PER3: variants seen among roughly 807,000 people sequenced by gnomAD.
PER3 encodes the protein period circadian protein homolog 3.
In PER3, 107 loss-of-function variants were observed where a neutral mutation model predicts 127.2. The ratio of observed to expected loss-of-function variants is 0.84; its 90% CI spans 0.72 to 0.99. The LOEUF is 0.99. Ranked by LOEUF, PER3 falls within the 50% of genes least tolerant of loss-of-function variation. The pLI, the probability that PER3 is intolerant of heterozygous loss-of-function variation, is 0.00. For missense variants in PER3, 1,560 were observed against 1,525.8 expected, an observed-to-expected ratio of 1.02 and a Z score of -0.37; for synonymous variants, 618 against 585.8, an observed-to-expected ratio of 1.05 and a Z score of -0.79.
intron 3 of PER3, among the ~76,000 whole-genome samples, 189 bp downstream of exon 3, chr1:7,785,775 CTT>C (rs2097085927): frequency 1.3e-5 from 2 of 152,308 alleles, no homozygotes; most frequent in South Asian, 4.1e-4. Context: ...ACCAGGAAAA[CTT>C]TATCTGTATA....
At chr1:7,823,071 C>CT (rs777880230) in intron 16 of PER3, among the ~76,000 whole-genome samples, 1 of 151,976 alleles carries the variant, frequency 6.6e-6, no homozygotes, top group Non-Finnish European at 1.5e-5. Flanking sequence ...GACCCTGTCT[C>CT]TAAAAATAAG....
Position 7,844,924 on chromosome 1 carries a change from G to A in PER3, c.*2169G>A, listed in dbSNP as rs1417048539. ...TATAGGCTTCAATGTTTTCATGAAT[G>A]TTACCCAAAAAGCTGTGTTTTCTTT... On this transcript the variant is annotated 3_prime_UTR_variant, in exon 22 of 22. Transcript: ENST00000377532. The A allele has an allele frequency of 6.6e-6, 1 of 152,324 alleles. No homozygotes were observed. The highest frequency in any genetic ancestry group is 1.5e-5 in the Non-Finnish European group (1 of 68,024). The allele number at this position is 152,324 out of a possible 1,614,324, so 9.4% of individuals were successfully genotyped here. A position where few individuals can be genotyped will look rare whatever the true frequency, so the allele number is the denominator to read the frequency against.
At chr1:7,817,337 C>T (rs1428161500) in intron 13 of PER3, among the ~76,000 whole-genome samples, 2 of 152,200 alleles carry the variant, frequency 1.3e-5, no homozygotes, top group Non-Finnish European at 2.9e-5. Flanking sequence ...GCATTGACAA[C>T]TGAGTCCAAC....
intron 5 of PER3, among the ~76,000 whole-genome samples, chr1:7,790,903 A>T (rs1475705609): frequency 6.6e-6 from 1 of 152,248 alleles, no homozygotes; most frequent in Non-Finnish European, 1.5e-5. Flanking sequence ...TCTCACATCC[A>T]GGTCATGCTG....
Position 7,835,792 on chromosome 1 carries a change from G to C in PER3, c.3245G>C (p.Ser1082Thr). Residue 1082 changes from serine to threonine, a missense_variant, in exon 20 of 22, where the codon AGT becomes ACT. By Grantham distance (58) the Ser-to-Thr change is moderately conservative. Transcript: ENST00000377532. ...GSSDSSIYLT[S>T]SVYSSKISQN... ...AGCGACAGCAGTATATACCTTACTA[G>C]TAGTGTTTATTCTTCTAAAATCTCC... 1.9e-6 allele frequency: 3 copies of C among 1,612,404 alleles called. No individual in the cohort carries two copies. Among genetic ancestry groups the C allele is most frequent in the Non-Finnish European group, 2.5e-6 (3 of 1,178,508 alleles).
In PER3 at chr1:7,798,515, A is replaced by G. The variant is rs777915810; in HGVS notation, c.645-10A>G. ...GTCAGGACCAGCACTAATATCTTTA[A>G]TCTCCTCAGTGGAGGTGAAGACAGA... is the stretch of plus-strand genomic sequence containing the variant. On this transcript the variant is annotated splice_polypyrimidine_tract_variant and intron_variant, in intron 6 of 21. Transcript: ENST00000377532. The G allele has an allele frequency of 1.2e-6, 2 of 1,611,142 alleles. No homozygotes were observed. Among genetic ancestry groups the G allele is most frequent in the South Asian group, 2.2e-5 (2 of 90,780 alleles).
chr1:7,835,697 G>T, intron 19 of PER3, 65 bp from the exon 20 acceptor site: 1 of 1,157,094 alleles, frequency 8.6e-7, no homozygotes, highest in South Asian at 1.4e-5. Flanking sequence ...TCTGAAGAAT[G>T]AGAGCCAGTT....
chr1:7,842,499 C>CA (rs373923215), intron 21 of PER3, 173 bp from the exon 22 acceptor site: 13,357 of 360,488 alleles, frequency 0.037, 63 homozygotes, highest in African/African-American at 0.068. Flanking sequence ...GACTCTGTCT[C>CA]AAAAAAAAAA....
chr1:7,838,103 A>G (rs1338719132), intron 21 of PER3, among the ~76,000 whole-genome samples: 1 of 152,122 alleles, frequency 6.6e-6, no homozygotes, highest in Non-Finnish European at 1.5e-5. Flanking sequence ...AAAAGAGAGT[A>G]AAGTTAGGTG....
chr1:7,790,028 A>G (rs2097111812), intron 5 of PER3, among the ~76,000 whole-genome samples: 1 of 152,250 alleles, frequency 6.6e-6, no homozygotes, highest in African/African-American at 2.4e-5. Context: ...GTCCGGATAC[A>G]GATACAGCTG....
intron 21 of PER3, among the ~76,000 whole-genome samples, chr1:7,842,229 G>A (rs568299368): frequency 1.9e-4 from 29 of 152,266 alleles, no homozygotes; most frequent in South Asian, 1.4e-3. Flanking sequence ...GAGGCTGGGC[G>A]CGGTGTCTAC....
rs558846636 is a variant in PER3, at chr1:7,797,718, A to G, written c.645-807A>G. On this transcript the variant is annotated intron_variant, in intron 6 of 21. Coordinates refer to ENST00000377532, the MANE Select transcript of PER3 (RefSeq NM_001377275.1). ...CTCTGGCAGTACTAAAGAGCCCCTC[A>G]GGATTGGTAGTCACACCTTTACGTG... 1.9e-4 allele frequency among the ~76,000 whole-genome samples: 29 copies of G among 152,188 alleles called. No homozygotes were observed. In the South Asian group the frequency reaches 6.0e-3, roughly 32 times the overall value.
At chr1:7,842,041 T>TAGGCC (rs1216816545) in intron 21 of PER3, among the ~76,000 whole-genome samples, 1 of 152,114 alleles carries the variant, frequency 6.6e-6, no homozygotes, top group East Asian at 1.9e-4. Context: ...CTGAATACTG[T>TAGGCC]AGGCCGTTGT....
intron 19 of PER3, among the ~76,000 whole-genome samples, chr1:7,833,611 A>T (rs150689528): frequency 6.6e-5 from 10 of 152,130 alleles, no homozygotes; most frequent in African/African-American, 2.2e-4. Flanking sequence ...TTTACTTTCA[A>T]CTTATCTGTG....
At position 7,801,140 on chromosome 1, in the gene PER3, T is replaced by C. The variant is rs1203817161; in HGVS notation, c.821T>C (p.Ile274Thr). 4.4e-6 allele frequency: 7 copies of C among 1,608,664 alleles called. No homozygotes were observed. Among genetic ancestry groups the C allele is most frequent in the Non-Finnish European group, 5.9e-6 (7 of 1,176,790 alleles). Residue 274 changes from isoleucine (I) to threonine (T), a missense_variant, in exon 8 of 22, where the codon ATC becomes ACC. By Grantham distance (89) the Ile-to-Thr change is moderately conservative. Around this residue, in one of 3 missense-constraint regions of PER3, gnomAD observed 1,332 missense variants for 1,223.6 expected, o/e 1.09. Transcript: ENST00000377532. Reference protein sequence around the residue: ...EAPRIPVNKRIFTTTHTPGCV... With the variant: ...EAPRIPVNKRTFTTTHTPGCV... ...CCTCGGATCCCAGTGAATAAAAGAA[T>C]CTTCACCACCACACACACCCCAGGG... is the stretch of plus-strand genomic sequence containing the variant.
chr1:7,797,291 G>A (rs2097149897), intron 6 of PER3, among the ~76,000 whole-genome samples: 2 of 152,144 alleles, frequency 1.3e-5, no homozygotes, highest in Non-Finnish European at 2.9e-5. Context: ...AAGGTCATCA[G>A]TTGAGGGTGC....
At position 7,784,881 on chromosome 1, in the gene PER3, C is replaced by G. The variant is rs761709069; in HGVS notation, c.4C>G (p.Pro2Ala). 5 of 1,504,142 alleles carry G rather than the reference C, an allele frequency of 3.3e-6. No individual in the cohort carries two copies. The South Asian group carries it at 4.1e-5, about 12-fold the overall frequency. The allele number at this position is 1,504,142 out of a possible 1,614,324, so 93.2% of individuals were successfully genotyped here. The change falls in exon 2 of 22, where the codon CCC (proline) becomes GCC (alanine). Residue 2 changes from proline to alanine, a missense_variant. Pro to Ala is a conservative substitution (Grantham distance 27). This residue lies in a region of PER3 where 1,332 missense variants were observed against 1,223.6 expected (regional missense o/e 1.09). Transcript: ENST00000377532. M[P>A]RGEAPGPGRR... is the part of the protein sequence containing the mutation. ...GGAGCCCCGCGGAGACCTCGAGATGCCCCGCGGGGAAGCTCCTGGCCCCGG... is the reference window on the plus strand; with the variant it reads ...GGAGCCCCGCGGAGACCTCGAGATGGCCCGCGGGGAAGCTCCTGGCCCCGG...
At chr1:7,803,292 A>G in intron 9 of PER3, 139 bp downstream of exon 9, 1 of 668,432 alleles carries the variant, frequency 1.5e-6, no homozygotes, top group South Asian at 1.7e-5. Context: ...TTTTCTATTT[A>G]AACATACTAA....
intron 16 of PER3, among the ~76,000 whole-genome samples, chr1:7,822,300 G>A (rs1237416121): frequency 6.6e-6 from 1 of 151,278 alleles, no homozygotes; most frequent in Non-Finnish European, 1.5e-5. Context: ...CTGTCACCCA[G>A]GCTGGTGTGC....
Sources: allele counts gnomAD v4.1 joint callset (sites outside exome capture counted in the v4.1 genomes callset), GRCh38; gene constraint gnomAD v4.1.1; regional missense constraint gnomAD v4.1.1; transcripts MANE v1.5; gene names NCBI Gene and HGNC (gene_info 2026-07-23, HGNC 2026-07-21).